DST: variants seen among roughly 807,000 people sequenced by gnomAD.
DST encodes the protein bullous pemphigoid antigen.
A neutral mutation model predicts 875.2 loss-of-function variants in DST; 253 were observed. That is an observed-to-expected ratio of 0.29 (90% CI 0.26 to 0.32). The LOEUF (loss-of-function observed/expected upper bound fraction) is 0.32. Among genes scored for constraint, DST ranks in the 10% least tolerant of loss-of-function variants. The pLI is 1.00. For missense variants in DST, 8,287 were observed against 9,111.6 expected (o/e 0.91, Z 3.68); for synonymous variants, 3,124 against 3,197.1 (o/e 0.98, Z 0.77).
rs373402193 is a variant in DST, at chr6:56,701,882, T to G, written c.954+6A>C. The G allele has an allele frequency of 6.4e-7, 1 of 1,571,822 alleles. No homozygotes were observed. Among genetic ancestry groups the G allele is most frequent in the Non-Finnish European group, 8.7e-7 (1 of 1,143,830 alleles). On this transcript the variant is annotated splice_donor_region_variant and intron_variant, in intron 8 of 103. Transcript: ENST00000680361. Reference sequence around the variant, plus strand: ...ATATGATTACAGTATTTTCAAAACATCATACCTGGCGTCTTTTCAAATAGT... The same window carrying G: ...ATATGATTACAGTATTTTCAAAACAGCATACCTGGCGTCTTTTCAAATAGT...
chr6:56,792,362 CAT>C (rs1313544488), intron 4 of DST, among the ~76,000 whole-genome samples: 1 of 152,056 alleles, frequency 6.6e-6, no homozygotes, highest in Non-Finnish European at 1.5e-5. Context: ...GGGAACATGA[CAT>C]GTACAAATTT....
intron 2 of DST, among the ~76,000 whole-genome samples, chr6:56,938,712 A>G (rs1159031423): frequency 6.6e-6 from 1 of 152,210 alleles, no homozygotes; most frequent in African/African-American, 2.4e-5. Flanking sequence ...GGCACTGTAC[A>G]AGCCCAGATT....
At chr6:56,911,640 T>A (rs1052974556) in intron 2 of DST, among the ~76,000 whole-genome samples, 1 of 152,196 alleles carries the variant, frequency 6.6e-6, no homozygotes, top group Non-Finnish European at 1.5e-5. Flanking sequence ...AAATTATACA[T>A]ACAACATGCC....
chr6:56,836,000 G>A (rs7758867), intron 4 of DST, among the ~76,000 whole-genome samples: 38,239 of 152,060 alleles, frequency 0.25, 6,536 homozygotes, highest in African/African-American at 0.48. Context: ...AAATGCTCAT[G>A]TTAAAATTTT....
intron 5 of DST, among the ~76,000 whole-genome samples, chr6:56,718,576 A>G (rs1563844540): frequency 6.6e-6 from 1 of 152,230 alleles, no homozygotes. Flanking sequence ...AAAGAAATAA[A>G]AACATGTGTC....
intron 5 of DST, among the ~76,000 whole-genome samples, chr6:56,711,749 T>C (rs74414238): frequency 0.098 from 14,949 of 151,904 alleles, 2,392 homozygotes; most frequent in African/African-American, 0.33. Context: ...ATTCCACATA[T>C]GAGAGAGAGA....
intron 90 of DST, 128 bp from the exon 91 acceptor site, chr6:56,477,616 A>AT: frequency 8.4e-7 from 1 of 1,185,914 alleles, no homozygotes; most frequent in Non-Finnish European, 1.2e-6. Context: ...CACAGTGAAA[A>AT]TCATCTACTA....
chr6:56,567,899 T>G (rs372923651), intron 55 of DST, among the ~76,000 whole-genome samples: 11 of 152,340 alleles, frequency 7.2e-5, no homozygotes, highest in African/African-American at 2.6e-4. Context: ...TATTTACACA[T>G]GAATCTCCCA....
In DST at chr6:56,521,300, T is replaced by A. The variant is rs528158242; in HGVS notation, c.18130-3680A>T. Among the ~76,000 whole-genome samples, 17 of 151,962 alleles carry A rather than the reference T, an allele frequency of 1.1e-4. No homozygotes were observed. The South Asian group carries it at 3.3e-3, about 30-fold the overall frequency. On this transcript the variant is annotated intron_variant, in intron 69 of 103. Transcript: ENST00000680361. ...ACCTGAGTGTAAATACTGCAAGATA[T>A]CTGAATAAAATTTAACAGTTATAAA...
At chr6:56,687,349 G>A (rs2099194529) in intron 9 of DST, among the ~76,000 whole-genome samples, 1 of 152,158 alleles carries the variant, frequency 6.6e-6, no homozygotes. Context: ...TTTCATTATT[G>A]CAAGAGTAAA....
chr6:56,729,521 C>T (rs983807365), intron 5 of DST, among the ~76,000 whole-genome samples: 1 of 150,174 alleles, frequency 6.7e-6, no homozygotes, highest in Non-Finnish European at 1.5e-5. Context: ...ACCCAGGAGG[C>T]GGAGATTGCG....
chr6:56,791,670 A>G (rs1426267102), intron 4 of DST, among the ~76,000 whole-genome samples: 2 of 151,772 alleles, frequency 1.3e-5, no homozygotes, highest in Non-Finnish European at 2.9e-5. Context: ...CTGTGGTCCC[A>G]GCTACTCAGG....
chr6:56,898,120 C>G (rs541506019), intron 3 of DST, among the ~76,000 whole-genome samples: 8 of 152,318 alleles, frequency 5.3e-5, no homozygotes, highest in African/African-American at 1.7e-4. Context: ...AGGATTTGAA[C>G]CCACGTGAGT....
Position 56,506,749 on chromosome 6 carries a change from T to A in DST, c.19280A>T (p.Asp6427Val), listed in dbSNP as rs1284218153. 6.2e-7 allele frequency: 1 copy of A among 1,613,562 alleles called. No individual in the cohort carries two copies. Among genetic ancestry groups the A allele is most frequent in the Non-Finnish European group, 8.5e-7 (1 of 1,179,600 alleles). Residue 6427 changes from aspartate (D) to valine (V), a missense_variant, in exon 76 of 104, where the codon GAT becomes GTT. Coordinates refer to ENST00000680361, the MANE Select transcript of DST (RefSeq NM_001374736.1). Reference protein sequence around the residue: ...EEIDGLQEELDIVINLGSELI... With the variant: ...EEIDGLQEELVIVINLGSELI... ...TTCAGAACCTAGGTTAATAACTATA[T>A]CCAGCTCCTCCTGTAGTCCATCTAT... is the stretch of plus-strand genomic sequence containing the variant.
At chr6:56,930,738 T>C (rs1043323414) in intron 2 of DST, among the ~76,000 whole-genome samples, 3 of 152,196 alleles carry the variant, frequency 2.0e-5, no homozygotes, top group Non-Finnish European at 4.4e-5. Flanking sequence ...TTTCTAGTGT[T>C]CATTCATTTA....
intron 23 of DST, 64 bp downstream of exon 23, chr6:56,636,493 A>G (rs1009263431): frequency 4.5e-5 from 57 of 1,267,422 alleles, no homozygotes; most frequent in Non-Finnish European, 6.3e-5. Flanking sequence ...ATTATGAAAA[A>G]GATTCCTGCA....
At position 56,509,740 on chromosome 6, in the gene DST, T is replaced by C; in HGVS notation, c.18914A>G (p.Asp6305Gly). 6.2e-7 allele frequency: 1 copy of C among 1,613,792 alleles called. No individual in the cohort carries two copies. Among genetic ancestry groups the C allele is most frequent in the Non-Finnish European group, 8.5e-7 (1 of 1,179,760 alleles). The stretch of plus-strand genomic sequence containing the variant: ...ATACAACGGCTGTAGCTTTTCCATG[T>C]CTACTGACACATTCTTATTTTCACT... ...QISENKNVSV[D>G]MEKLQPLYET... The change falls in exon 74 of 104, where the codon GAC becomes GGC. Residue 6305 changes from aspartate (D) to glycine (G), a missense_variant. Around this residue, in one of 10 missense-constraint regions of DST, gnomAD observed 1,292 missense variants for 1,552.7 expected, o/e 0.83. Coordinates refer to ENST00000680361, the MANE Select transcript of DST (RefSeq NM_001374736.1).
At chr6:56,906,140 T>C (rs1347438039) in intron 2 of DST, among the ~76,000 whole-genome samples, 2 of 152,226 alleles carry the variant, frequency 1.3e-5, no homozygotes, top group African/African-American at 4.8e-5. Flanking sequence ...TTTTAACTTT[T>C]TGAGAAACCA....
intron 49 of DST, among the ~76,000 whole-genome samples, chr6:56,585,065 T>A (rs1332940473): frequency 3.3e-5 from 5 of 151,154 alleles, no homozygotes; most frequent in African/African-American, 1.2e-4. Flanking sequence ...CTTTTTTGGT[T>A]GTGTCTCTGC....
Sources: gnomAD v4.1 joint callset for allele counts (sites outside exome capture counted in the v4.1 genomes callset) on GRCh38, gnomAD v4.1.1 for gene constraint, gnomAD v4.1.1 regional missense constraint, MANE v1.5 for transcripts, NCBI Gene and HGNC (gene_info 2026-07-23, HGNC 2026-07-21) for gene names.